Variants in LARP4B observed in about 807,000 individuals in gnomAD.
The protein encoded by LARP4B is La ribonucleoprotein 4B.
LARP4B carries 12 observed loss-of-function variants against 89.8 expected under a neutral mutation model. The ratio of observed to expected loss-of-function variants is 0.13; its 90% CI spans 0.09 to 0.22. The LOEUF (loss-of-function observed/expected upper bound fraction) is 0.22, where lower values mean the gene tolerates loss of function less well. Among genes scored for constraint, LARP4B ranks in the 10% least tolerant of loss-of-function variants. The pLI, the probability that LARP4B is intolerant of heterozygous loss-of-function variation, is 1.00. For missense variants in LARP4B, 757 were observed against 947.7 expected (o/e 0.80, Z 2.64); for synonymous variants, 367 against 363.3 (o/e 1.01, Z -0.12).
intron 6 of LARP4B, 59 bp from the exon 7 acceptor site, chr10:843,127 C>T: frequency 2.0e-6 from 3 of 1,483,830 alleles, no homozygotes; most frequent in East Asian, 2.3e-5. Context: ...GTTTCACCTA[C>T]TGTAATTCCA....
intron 1 of LARP4B, among the ~76,000 whole-genome samples, chr10:910,985 C>T (rs553453568): frequency 6.6e-6 from 1 of 152,322 alleles, no homozygotes; most frequent in South Asian, 2.1e-4. Flanking sequence ...CATTCCCAGC[C>T]ATTTGTCACT....
At chr10:948,818 G>A in the LARP4B span, among the ~76,000 whole-genome samples, 3 of 152,232 alleles carry the variant, frequency 2.0e-5, no homozygotes, top group African/African-American at 7.2e-5. Context: ...AGGCCGTGGT[G>A]TGTGTGCCCA....
chr10:963,817 G>C, the LARP4B span, among the ~76,000 whole-genome samples: 2 of 152,246 alleles, frequency 1.3e-5, no homozygotes, highest in Non-Finnish European at 2.9e-5. Context: ...GCAAGAGAGA[G>C]CACAGGCTCA....
intron 1 of LARP4B, among the ~76,000 whole-genome samples, chr10:891,543 A>C (rs1836019641): frequency 6.6e-6 from 1 of 152,216 alleles, no homozygotes; most frequent in East Asian, 1.9e-4. Context: ...TCTTCCTCAA[A>C]GTACTATGTG....
chr10:888,757 C>G (rs1166601038), intron 1 of LARP4B, among the ~76,000 whole-genome samples: 5 of 152,200 alleles, frequency 3.3e-5, no homozygotes. Context: ...CTGGATTTAA[C>G]CAATCAAGGA....
the LARP4B span, chr10:972,445 G>C: frequency 2.9e-5 from 13 of 447,680 alleles, no homozygotes; most frequent in Admixed American, 3.1e-4. Context: ...TATTCCTTAT[G>C]TATTACCCAG....
intron 4 of LARP4B, 103 bp from the exon 5 acceptor site, chr10:863,986 GA>G: frequency 6.5e-7 from 1 of 1,546,900 alleles, no homozygotes; most frequent in Non-Finnish European, 8.8e-7. Context: ...GACTGTAAAA[GA>G]CCTCTGGGCT....
At chr10:834,350 C>T (rs1441577767) in intron 8 of LARP4B, among the ~76,000 whole-genome samples, 1 of 152,208 alleles carries the variant, frequency 6.6e-6, no homozygotes, top group East Asian at 1.9e-4. Flanking sequence ...ACTAGACTAT[C>T]AGTCTACTAG....
chr10:893,218 C>T (rs1451618415), intron 1 of LARP4B, among the ~76,000 whole-genome samples: 5 of 151,822 alleles, frequency 3.3e-5, no homozygotes, highest in Admixed American at 2.6e-4. Context: ...TGCCTGGCCA[C>T]ACCAAGAAAT....
intron 1 of LARP4B, among the ~76,000 whole-genome samples, chr10:921,999 C>G (rs1052636495): frequency 3.3e-5 from 5 of 152,100 alleles, no homozygotes; most frequent in African/African-American, 1.2e-4. Context: ...TACTCCAAGT[C>G]AGCGGTAACC....
rs375809608 is a variant in LARP4B, at chr10:813,008, G to A, written c.2135C>T (p.Pro712Leu). 52 of 1,593,776 alleles carry A rather than the reference G, an allele frequency of 3.3e-5. 2 individuals are homozygous for A. The highest frequency in any genetic ancestry group is 2.2e-4 in the Admixed American group (12 of 53,594). The part of the protein sequence containing the change: ...TPGAPRDQRR[P>L]AGGRPSPSAM... ...CGAGGGCGAGGGCCGGCCCCCCGCC[G>A]GCCGCCTCTGGTCTCTGGGGGCTCC... The change falls in exon 18 of 18, where the codon CCG (proline) becomes CTG (leucine). Residue 712 changes from proline to leucine, a missense_variant. By Grantham distance (98) the Pro-to-Leu change is moderately conservative. Coordinates refer to ENST00000316157, the MANE Select transcript of LARP4B (RefSeq NM_015155.3).
In LARP4B at chr10:862,256, T is replaced by TTA. The variant is rs774427840; in HGVS notation, c.430+1486_430+1487insTA. 9.1e-3 allele frequency among the ~76,000 whole-genome samples: 766 copies of TTA among 84,478 alleles called. 15 individuals are homozygous for TTA. Among genetic ancestry groups the TTA allele is most frequent in the African/African-American group, 0.037 (719 of 19,394 alleles). The allele number at this position is 84,478 out of a possible 152,430, so 55.4% of individuals were successfully genotyped here. A position where few individuals can be genotyped will look rare whatever the true frequency, so the allele number is the denominator to read the frequency against. On this transcript the variant is annotated intron_variant, in intron 5 of 17. Transcript: ENST00000316157. Reference sequence around the variant, plus strand: ...TTAAAGCAATAAGCTCCACTGAAGTTAAAAAAAAAAAAAAAAAAAAAAAAA... The same window carrying TTA: ...TTAAAGCAATAAGCTCCACTGAAGTTTAAAAAAAAAAAAAAAAAAAAAAAAAA...
chr10:860,790 G>A (rs1015084674), intron 5 of LARP4B, among the ~76,000 whole-genome samples: 2 of 152,020 alleles, frequency 1.3e-5, no homozygotes, highest in African/African-American at 4.8e-5. Flanking sequence ...CATCTCTTGG[G>A]CCCAGGAGTT....
intron 1 of LARP4B, among the ~76,000 whole-genome samples, chr10:922,623 C>T (rs1292276712): frequency 6.6e-6 from 1 of 151,952 alleles, no homozygotes; most frequent in Non-Finnish European, 1.5e-5. Flanking sequence ...GCAGTGGCCA[C>T]ACCACTACAC....
the LARP4B span, among the ~76,000 whole-genome samples, chr10:945,480 A>T: frequency 6.6e-6 from 1 of 151,820 alleles, no homozygotes; most frequent in African/African-American, 2.4e-5. Context: ...AGGTCAGGAG[A>T]TCGAGACCAT....
At chr10:916,361 TTTC>T (rs1465050271) in intron 1 of LARP4B, among the ~76,000 whole-genome samples, 3 of 152,240 alleles carry the variant, frequency 2.0e-5, no homozygotes, top group Admixed American at 6.5e-5. Context: ...AAATTTGCTT[TTTC>T]TTCAAGGGAA....
At chr10:945,340 C>T in the LARP4B span, among the ~76,000 whole-genome samples, 1 of 148,762 alleles carries the variant, frequency 6.7e-6, no homozygotes, top group South Asian at 2.1e-4. Flanking sequence ...ACGGAGATCA[C>T]ACCACTGCCC....
In LARP4B at chr10:854,850, T is replaced by C. The variant is rs190309627; in HGVS notation, c.430+8893A>G. Among the ~76,000 whole-genome samples the C allele has an allele frequency of 5.9e-3, 902 of 152,296 alleles. 6 individuals carry two copies. Among genetic ancestry groups the C allele is most frequent in the Non-Finnish European group, 9.4e-3 (640 of 68,022 alleles). ...AACTTCTTCTCTTTAGCTATGAAAG[T>C]CCTAGATAACATTTCCTTCTAATAT... is the stretch of plus-strand genomic sequence containing the variant. On this transcript the variant is annotated intron_variant, in intron 5 of 17. Transcript: ENST00000316157.
At chr10:829,643 T>C (rs1187717009) in intron 10 of LARP4B, 38 bp downstream of exon 10, 2 of 1,610,630 alleles carry the variant, frequency 1.2e-6, no homozygotes, top group East Asian at 2.2e-5. Context: ...GAACATCAAT[T>C]TGCAAATAAA....
Sources: gnomAD v4.1 joint callset for allele counts (sites outside exome capture counted in the v4.1 genomes callset) on GRCh38, gnomAD v4.1.1 for gene constraint, MANE v1.5 for transcripts, NCBI Gene and HGNC (gene_info 2026-07-23, HGNC 2026-07-21) for gene names.